Variants in HAUS1 observed in about 807,000 individuals in gnomAD.
HAUS1 encodes the protein HAUS augmin-like complex subunit 1.
In HAUS1, 25 loss-of-function variants were observed where a neutral mutation model predicts 38.6. That is an observed-to-expected ratio of 0.65 (90% CI 0.47 to 0.91). The LOEUF is 0.91. Among genes scored for constraint, HAUS1 ranks in the 40% least tolerant of loss-of-function variants. HAUS1 has a pLI of 0.00. For synonymous variants in HAUS1, 109 were observed against 112.9 expected, an observed-to-expected ratio of 0.97 and a Z score of 0.22; for missense variants, 325 against 328.4, an observed-to-expected ratio of 0.99 and a Z score of 0.08.
chr18:46,118,083 G>A lies in HAUS1; in HGVS notation c.206-98G>A, dbSNP rs141749201. 7.1e-4 allele frequency: 797 copies of A among 1,124,100 alleles called. 6 individuals are homozygous for A. In the African/African-American group the frequency reaches 0.011, roughly 15 times the overall value. 69.6% of individuals were successfully genotyped at this position (1,124,100 alleles called of 1,614,324 possible). ...CCACTGAATTACATACATACCTTAGGTGGGTGGATTATATGCTATGTGAAT... is the reference window on the plus strand; with the variant it reads ...CCACTGAATTACATACATACCTTAGATGGGTGGATTATATGCTATGTGAAT... On this transcript the variant is annotated intron_variant, in intron 2 of 8. Transcript: ENST00000282058.
At chr18:46,110,909 C>T (rs1418621077) in intron 2 of HAUS1, among the ~76,000 whole-genome samples, 2 of 117,602 alleles carry the variant, frequency 1.7e-5, no homozygotes, top group Non-Finnish European at 3.4e-5. Context: ...TTTTTTGAGA[C>T]GGAGTTGCCC....
In HAUS1 at chr18:46,118,164, C is replaced by T. The variant is rs753574447; in HGVS notation, c.206-17C>T. ...AAAAAAGCAAACAGTCACTATGGAA[C>T]TCTTTCATGTTTTTAGCCAAGTATC... On this transcript the variant is annotated splice_polypyrimidine_tract_variant and intron_variant, in intron 2 of 8. Coordinates refer to ENST00000282058, the MANE Select transcript of HAUS1 (RefSeq NM_138443.4). 4 of 1,610,150 alleles carry T rather than the reference C, an allele frequency of 2.5e-6. No individual in the cohort carries two copies. Among genetic ancestry groups the T allele is most frequent in the Non-Finnish European group, 3.4e-6 (4 of 1,179,290 alleles).
intron 5 of HAUS1, 57 bp from the exon 6 acceptor site, chr18:46,123,242 A>G: frequency 8.8e-7 from 1 of 1,134,116 alleles, no homozygotes; most frequent in Non-Finnish European, 1.3e-6. Flanking sequence ...AAAATATTTG[A>G]TGGTGGTCAC....
At chr18:46,110,333 G>GTTTTT (rs71160713) in intron 2 of HAUS1, among the ~76,000 whole-genome samples, 3,174 of 49,912 alleles carry the variant, frequency 0.064, 579 homozygotes, top group Non-Finnish European at 0.087. Flanking sequence ...TTTTTTTAAG[G>GTTTTT]TTTTTTTTTT....
In HAUS1 at chr18:46,128,044, C is replaced by A. The variant is rs762384797; in HGVS notation, c.787-31C>A. ...AAAAGTTAGAGCATCTGTTTTATGT[C>A]CTTATCTATGGTATGTCTTTCTTCC... On this transcript the variant is annotated intron_variant, in intron 8 of 8. Transcript: ENST00000282058. 7 of 1,388,072 alleles carry A rather than the reference C, an allele frequency of 5.0e-6. No homozygotes were observed. In the Admixed American group the frequency reaches 1.2e-4, roughly 23 times the overall value. The allele number at this position is 1,388,072 out of a possible 1,614,324, so 86.0% of individuals were successfully genotyped here. A position where few individuals can be genotyped will look rare whatever the true frequency, so the allele number is the denominator to read the frequency against.
intron 7 of HAUS1, 37 bp from the exon 8 acceptor site, chr18:46,125,707 G>A: frequency 1.4e-6 from 2 of 1,401,588 alleles, no homozygotes; most frequent in South Asian, 1.2e-5. Flanking sequence ...CTGAATTGAG[G>A]CAATATAACC....
chr18:46,115,143 A>G (rs2144255112), intron 2 of HAUS1: 1 of 152,304 alleles, frequency 6.6e-6, no homozygotes, highest in East Asian at 1.9e-4. Flanking sequence ...ACTCAAACTC[A>G]CACAAAATAG....
chr18:46,104,385 C>T lies in HAUS1; in HGVS notation c.-27C>T, dbSNP rs1911391344. The T allele has an allele frequency of 2.7e-6, 4 of 1,459,982 alleles. No individual in the cohort carries two copies. Among genetic ancestry groups the T allele is most frequent in the Non-Finnish European group, 3.7e-6 (4 of 1,095,488 alleles). 90.4% of individuals were successfully genotyped at this position (1,459,982 alleles called of 1,614,324 possible). A position where few individuals can be genotyped will look rare whatever the true frequency, so the allele number is the denominator to read the frequency against. ...CGGGGCGCATCTCCCGCTAGGAGTT[C>T]CTAGTAAAGTGGCGGGAGCCGCAGC... On this transcript the variant is annotated 5_prime_UTR_variant, in exon 1 of 9. Coordinates refer to ENST00000282058, the MANE Select transcript of HAUS1 (RefSeq NM_138443.4).
At chr18:46,119,489 T>C (rs922528774) in intron 3 of HAUS1, among the ~76,000 whole-genome samples, 1 of 152,178 alleles carries the variant, frequency 6.6e-6, no homozygotes, top group Non-Finnish European at 1.5e-5. Context: ...TCATACAACT[T>C]AAAGTCACAT....
intron 7 of HAUS1, among the ~76,000 whole-genome samples, chr18:46,125,131 G>A (rs1230195356): frequency 2.0e-5 from 3 of 151,826 alleles, no homozygotes; most frequent in Non-Finnish European, 2.9e-5. Context: ...CCAGTGGTGC[G>A]CAACTGTAGT....
chr18:46,105,194 G>A lies in HAUS1; in HGVS notation c.31G>A (p.Val11Ile). The A allele has an allele frequency of 1.9e-6, 3 of 1,605,852 alleles. No homozygotes were observed. Among genetic ancestry groups the A allele is most frequent in the Non-Finnish European group, 2.6e-6 (3 of 1,175,216 alleles). The change falls in exon 2 of 9, where the codon GTT becomes ATT. Residue 11 changes from valine (V) to isoleucine (I), a missense_variant and splice_region_variant. Transcript: ENST00000282058. MEPQEERETQVAAWLKKIFGD... is the reference protein window; with the variant it reads MEPQEERETQIAAWLKKIFGD... ...TATTTGTCTTTCTTTTAATGGTTAG[G>A]TTGCTGCGTGGTTAAAAAAAATATT...
chr18:46,118,561 G>T (rs1911854739), intron 3 of HAUS1: 1 of 434,114 alleles, frequency 2.3e-6, no homozygotes, highest in Non-Finnish European at 4.2e-6. Context: ...TTTGGAAAGG[G>T]GTTAGTATCA....
rs1555697180 is a variant in HAUS1, at chr18:46,105,544, ATATG to A, written c.205+182_205+185del. On this transcript the variant is annotated intron_variant, in intron 2 of 8. Coordinates refer to ENST00000282058, the MANE Select transcript of HAUS1 (RefSeq NM_138443.4). Reference sequence around the variant, plus strand: ...TATTGTTTTATGTTTATATATATGTATATGTATGTGTGTGTGTGTGTGTGTGTGT... The same window carrying A: ...TATTGTTTTATGTTTATATATATGTATATGTGTGTGTGTGTGTGTGTGTGT... The A allele has an allele frequency of 7.1e-3, 3,554 of 500,598 alleles. 100 individuals carry two copies. The highest frequency in any genetic ancestry group is 0.05 in the African/African-American group (1,986 of 39,662). 31.0% of individuals were successfully genotyped at this position (500,598 alleles called of 1,614,324 possible). A position where few individuals can be genotyped will look rare whatever the true frequency, so the allele number is the denominator to read the frequency against.
At chr18:46,120,689 G>A (rs533435060) in intron 4 of HAUS1, among the ~76,000 whole-genome samples, 23 of 151,502 alleles carry the variant, frequency 1.5e-4, no homozygotes, top group Admixed American at 6.6e-4. Flanking sequence ...GGGTTCAAGC[G>A]AGTTTCCTGC....
chr18:46,122,627 G>A (rs769165917), intron 5 of HAUS1, 37 bp downstream of exon 5: 13 of 1,609,998 alleles, frequency 8.1e-6, no homozygotes, highest in African/African-American at 2.7e-5. Context: ...AGCTCTCTTC[G>A]GCCTGATTTT....
At chr18:46,107,222 T>G (rs1347755937) in intron 2 of HAUS1, among the ~76,000 whole-genome samples, 4 of 152,134 alleles carry the variant, frequency 2.6e-5, no homozygotes, top group Non-Finnish European at 5.9e-5. Context: ...ATATATGTGC[T>G]TTTAAAATTG....
chr18:46,124,281 A>G, intron 6 of HAUS1, among the ~76,000 whole-genome samples: 1 of 151,962 alleles, frequency 6.6e-6, no homozygotes, highest in East Asian at 1.9e-4. Flanking sequence ...ATGGTGGCAC[A>G]TGCCTGTAAT....
chr18:46,116,055 G>A (rs1284316345), intron 2 of HAUS1, among the ~76,000 whole-genome samples: 4 of 150,618 alleles, frequency 2.7e-5, no homozygotes, highest in African/African-American at 2.4e-5. Flanking sequence ...GCAGTGAACC[G>A]AGATCGTGCC....
chr18:46,109,779 G>T (rs1911571688), intron 2 of HAUS1: 1 of 151,986 alleles, frequency 6.6e-6, no homozygotes, highest in Non-Finnish European at 1.5e-5. Flanking sequence ...ATGCCACCGT[G>T]CTCAGGTAAT....
Sources: gnomAD v4.1 joint callset for allele counts (sites outside exome capture counted in the v4.1 genomes callset) on GRCh38, gnomAD v4.1.1 for gene constraint, MANE v1.5 for transcripts, NCBI Gene and HGNC (gene_info 2026-07-23, HGNC 2026-07-21) for gene names.